Variants in SCN3A observed in about 807,000 individuals in gnomAD.
SCN3A encodes sodium channel protein type 3 subunit alpha.
SCN3A carries 60 observed loss-of-function variants against 187.6 expected under a neutral mutation model. The observed-to-expected ratio is 0.32, with a 90% CI of 0.26 to 0.40. SCN3A has a LOEUF of 0.40. Ranked by LOEUF, SCN3A falls within the 10% of genes least tolerant of loss-of-function variation. SCN3A has a pLI of 1.00. For missense variants in SCN3A, 1,601 were observed against 2,428.2 expected (o/e 0.66, Z 7.16); for synonymous variants, 788 against 829.2 (o/e 0.95, Z 0.85).
In SCN3A at chr2:165,128,121, A is replaced by C; in HGVS notation, c.2923-20T>G. 6.4e-7 allele frequency: 1 copy of C among 1,569,064 alleles called. No homozygotes were observed. The highest frequency in any genetic ancestry group is 8.7e-7 in the Non-Finnish European group (1 of 1,152,918). ...CAGAACCTAAAAGAAAAAAAGAAAA[A>C]TGTCTATTTTAATATTGAAATATGC... On this transcript the variant is annotated intron_variant, in intron 17 of 27. Coordinates refer to ENST00000283254, the MANE Select transcript of SCN3A (RefSeq NM_006922.4).
intron 2 of SCN3A, among the ~76,000 whole-genome samples, chr2:165,185,199 C>T (rs775648446): frequency 1.8e-4 from 27 of 152,120 alleles, no homozygotes; most frequent in Non-Finnish European, 1.3e-4. Context: ...CTTGAAGAGA[C>T]AACTGCTAAC....
chr2:165,136,519 T>C (rs1358780437), intron 15 of SCN3A, among the ~76,000 whole-genome samples: 1 of 152,160 alleles, frequency 6.6e-6, no homozygotes, highest in Non-Finnish European at 1.5e-5. Context: ...ATTTCAATAA[T>C]AGAAAACAAA....
chr2:165,092,204 G>A lies in SCN3A; in HGVS notation c.4807+50C>T, dbSNP rs758238021. ...ATGTTAATCAGCTAGAAGGTCCTGGGGCAACTGTTTCTCTGTAACTATACC... is the reference window on the plus strand; with the variant it reads ...ATGTTAATCAGCTAGAAGGTCCTGGAGCAACTGTTTCTCTGTAACTATACC... On this transcript the variant is annotated intron_variant, in intron 27 of 27. Coordinates refer to ENST00000283254, the MANE Select transcript of SCN3A (RefSeq NM_006922.4). The surrounding 1 kb of genome is among the most constrained non-coding windows in gnomAD (Gnocchi z 4.2). The A allele has an allele frequency of 6.4e-7, 1 of 1,574,568 alleles. No individual in the cohort carries two copies. The highest frequency in any genetic ancestry group is 1.7e-5 in the Admixed American group (1 of 59,882).
Position 165,113,806 on chromosome 2 carries a change from T to C in SCN3A, c.3669+10A>G. ...AGAATCTGATTCTTGCCAATATGCA[T>C]TTCACTTACCAATGCACCACTACTG... On this transcript the variant is annotated intron_variant, in intron 20 of 27. Transcript: ENST00000283254. 1 of 1,613,522 alleles carries C rather than the reference T, an allele frequency of 6.2e-7. No individual in the cohort carries two copies. The highest frequency in any genetic ancestry group is 1.1e-5 in the South Asian group (1 of 91,064).
Position 165,091,353 on chromosome 2 carries a change from A to G in SCN3A, c.4808-8T>C, listed in dbSNP as rs1221285492. 6.2e-7 allele frequency: 1 copy of G among 1,613,894 alleles called. No homozygotes were observed. The highest frequency in any genetic ancestry group is 1.3e-5 in the African/African-American group (1 of 75,050). ...TCTCAGCCAGAAACATACCTATGGA[A>G]AACATAGAACACAGCTAAACAGATA... On this transcript the variant is annotated splice_region_variant and splice_polypyrimidine_tract_variant and intron_variant, in intron 27 of 27. Transcript: ENST00000283254.
intron 11 of SCN3A, among the ~76,000 whole-genome samples, chr2:165,151,181 A>G (rs1322998895): frequency 6.6e-6 from 1 of 152,226 alleles, no homozygotes; most frequent in African/African-American, 2.4e-5. Flanking sequence ...GTTGAGCTCA[A>G]TAATTCACTA....
At chr2:165,143,607 G>A (rs575655976) in intron 12 of SCN3A, among the ~76,000 whole-genome samples, 1 of 152,286 alleles carries the variant, frequency 6.6e-6, no homozygotes, top group South Asian at 2.1e-4. Flanking sequence ...GCAGAGTGGA[G>A]GGAATACCCA....
intron 7 of SCN3A, 77 bp downstream of exon 7, chr2:165,163,541 G>C (rs1259428375): frequency 1.6e-5 from 23 of 1,480,728 alleles, no homozygotes; most frequent in Non-Finnish European, 2.8e-6. Flanking sequence ...AAGCAACAAG[G>C]CTAATGCTGT....
In SCN3A at chr2:165,100,416, C is replaced by G; in HGVS notation, c.3852G>C (p.Leu1284Phe). 1 of 1,613,442 alleles carries G rather than the reference C, an allele frequency of 6.2e-7. No individual in the cohort carries two copies. Among genetic ancestry groups the G allele is most frequent in the Non-Finnish European group, 8.5e-7 (1 of 1,179,750 alleles). ...WLDFLIVDVS[L>F]VSLVANALGY... is the part of the protein sequence containing the mutation. ...CAAGAGCATTGGCTACCAGGCTAACCAAAGAAACCTACAAAAGGAAAAAAA... is the reference window on the plus strand; with the variant it reads ...CAAGAGCATTGGCTACCAGGCTAACGAAAGAAACCTACAAAAGGAAAAAAA... The change falls in exon 22 of 28, where the codon TTG becomes TTC. Residue 1284 changes from leucine (L) to phenylalanine (F), a missense_variant. Transcript: ENST00000283254.
intron 2 of SCN3A, among the ~76,000 whole-genome samples, chr2:165,176,680 A>G (rs981908771): frequency 6.6e-6 from 1 of 152,174 alleles, no homozygotes; most frequent in African/African-American, 2.4e-5. Flanking sequence ...TGATTTAGCC[A>G]TTCTACAATG....
chr2:165,113,079 A>G (rs1408661684), intron 20 of SCN3A, 21 bp from the exon 21 acceptor site: 4 of 1,584,108 alleles, frequency 2.5e-6, no homozygotes, highest in Middle Eastern at 1.7e-4. Context: ...AAAATATTTT[A>G]TTTTACTTAA....
chr2:165,129,118 G>A (rs760334346), intron 17 of SCN3A, among the ~76,000 whole-genome samples: 1 of 152,070 alleles, frequency 6.6e-6, no homozygotes, highest in Non-Finnish European at 1.5e-5. Context: ...CATGTTCGTA[G>A]GTATCCCAGT....
At chr2:165,162,866 G>A in intron 7 of SCN3A, 38 bp from the exon 8 acceptor site, 1 of 1,611,046 alleles carries the variant, frequency 6.2e-7, no homozygotes, top group Non-Finnish European at 8.5e-7. Flanking sequence ...GAGGAAGAGT[G>A]CCAGAAATCA....
At chr2:165,132,991 CAAAA>C (rs1306653743) in intron 15 of SCN3A, among the ~76,000 whole-genome samples, 4 of 152,136 alleles carry the variant, frequency 2.6e-5, no homozygotes, top group Non-Finnish European at 5.9e-5. Flanking sequence ...AGACACTTCT[CAAAA>C]GAAGACATTT....
intron 1 of SCN3A, among the ~76,000 whole-genome samples, chr2:165,201,108 A>C (rs1489556069): frequency 6.6e-6 from 1 of 152,088 alleles, no homozygotes; most frequent in African/African-American, 2.4e-5. Flanking sequence ...TATCCTCTTA[A>C]GGCAACGTGA....
intron 9 of SCN3A, among the ~76,000 whole-genome samples, chr2:165,157,729 C>T (rs904979476): frequency 5.3e-5 from 8 of 152,060 alleles, no homozygotes; most frequent in African/African-American, 1.9e-4. Flanking sequence ...GGATATTTGT[C>T]CATTCATATT....
Position 165,158,410 on chromosome 2 carries a change from A to AT in SCN3A, c.1032-2508dup, listed in dbSNP as rs199801186. Reference sequence around the variant, plus strand: ...CTGGGATCCCCAAACCTCACAAAAGATTTTTTTTTTAATTTGTATATATTA... The same window carrying AT: ...CTGGGATCCCCAAACCTCACAAAAGATTTTTTTTTTTAATTTGTATATATTA... On this transcript the variant is annotated intron_variant, in intron 9 of 27. Transcript: ENST00000283254. Among the ~76,000 whole-genome samples, 63 of 133,974 alleles carry AT rather than the reference A, an allele frequency of 4.7e-4. 6 individuals carry two copies. Among genetic ancestry groups the AT allele is most frequent in the Middle Eastern group, 3.6e-3 (1 of 274 alleles). The allele number at this position is 133,974 out of a possible 152,430, so 87.9% of individuals were successfully genotyped here.
At chr2:165,143,290 C>T (rs1688122692) in intron 12 of SCN3A, among the ~76,000 whole-genome samples, 1 of 152,144 alleles carries the variant, frequency 6.6e-6, no homozygotes, top group South Asian at 2.1e-4. Flanking sequence ...ATAATCACCT[C>T]AATACACCTA....
chr2:165,127,925 C>T lies in SCN3A; in HGVS notation c.3099G>A (p.Lys1033=), dbSNP rs773717133. 1.9e-6 allele frequency: 3 copies of T among 1,614,022 alleles called. 1 individual carries two copies. The South Asian group carries it at 3.3e-5, about 18-fold the overall frequency. Residue 1033 remains lysine, a synonymous_variant, in exon 18 of 28, where the codon AAG becomes AAA. Coordinates refer to ENST00000283254, the MANE Select transcript of SCN3A (RefSeq NM_006922.4). ...CTTCATGGATTTCTATAACTTTTGG[C>T]TTTCTAAAAAAGGCTTTTTGGAAAC... ...RECFQKAFFR[K]PKVIEIHEGN...
Sources: gnomAD v4.1 joint callset for allele counts (sites outside exome capture counted in the v4.1 genomes callset) on GRCh38, gnomAD v4.1.1 for gene constraint, Gnocchi (gnomAD v3.1) non-coding constraint, MANE v1.5 for transcripts, NCBI Gene and HGNC (gene_info 2026-07-23, HGNC 2026-07-21) for gene names.